The following UGGT2 variants were observed in gnomAD, a reference collection of about 807,000 sequenced individuals.
The protein encoded by UGGT2 is UDP-glucose:glycoprotein glucosyltransferase 2.
UGGT2 carries 180 observed loss-of-function variants against 192.1 expected under a neutral mutation model. The ratio of observed to expected loss-of-function variants is 0.94; its 90% confidence interval spans 0.83 to 1.06. The LOEUF is 1.06. Among genes scored for constraint, UGGT2 ranks in the 50% least tolerant of loss-of-function variants. The probability of loss-of-function intolerance (pLI) is 0.00; values close to 1 mark genes in which losing one functional copy is unlikely to be tolerated. For synonymous variants in UGGT2, 580 were observed against 591.0 expected (o/e 0.98, Z 0.27); for missense variants, 1,849 against 1,795.7 (o/e 1.03, Z -0.54).
At chr13:96,047,662 CAAAA>C (rs2053356847) in intron 1 of UGGT2, among the ~76,000 whole-genome samples, 1 of 151,148 alleles carries the variant, frequency 6.6e-6, no homozygotes, top group Non-Finnish European at 1.5e-5. Flanking sequence ...AAATGGGAAA[CAAAA>C]AAAAGCAGGG....
chr13:95,807,839 G>T (rs1257684013), intron 38 of UGGT2, among the ~76,000 whole-genome samples: 1 of 150,510 alleles, frequency 6.6e-6, no homozygotes, highest in African/African-American at 2.5e-5. Flanking sequence ...GGAATGTATT[G>T]CTTGGGGCTT....
intron 12 of UGGT2, among the ~76,000 whole-genome samples, chr13:95,967,229 T>C (rs1400514290): frequency 1.3e-5 from 2 of 151,844 alleles, no homozygotes; most frequent in African/African-American, 2.4e-5. Flanking sequence ...TTCAGCTTAC[T>C]GCAACCTCTG....
At chr13:95,838,055 T>A (rs1223819940) in intron 36 of UGGT2, among the ~76,000 whole-genome samples, 1 of 151,940 alleles carries the variant, frequency 6.6e-6, no homozygotes, top group East Asian at 1.9e-4. Flanking sequence ...ATGCAGAAAA[T>A]CCCAAGAATC....
chr13:96,029,067 T>C (rs2052751512), intron 2 of UGGT2, among the ~76,000 whole-genome samples: 1 of 151,870 alleles, frequency 6.6e-6, no homozygotes, highest in Non-Finnish European at 1.5e-5. Flanking sequence ...GGGAGAATGG[T>C]GTGAACCCAG....
Position 95,962,610 on chromosome 13 carries a change from C to G in UGGT2, c.1335+7502G>C, listed in dbSNP as rs182519736. Among the ~76,000 whole-genome samples, 5 of 152,132 alleles carry G rather than the reference C, an allele frequency of 3.3e-5. No homozygotes were observed. The East Asian group carries it at 9.6e-4, about 29-fold the overall frequency. ...AGATGGCTTTACTACCTAATTCTAC[C>G]AAACTTTCAAAAAAGAACACAAATT... is the stretch of plus-strand genomic sequence containing the variant. On this transcript the variant is annotated intron_variant, in intron 12 of 38. Coordinates refer to ENST00000376747, the MANE Select transcript of UGGT2 (RefSeq NM_020121.4).
intron 36 of UGGT2, among the ~76,000 whole-genome samples, chr13:95,839,014 A>T (rs1887588210): frequency 6.6e-6 from 1 of 151,958 alleles, no homozygotes; most frequent in Non-Finnish European, 1.5e-5. Context: ...ATTCTTCTGA[A>T]TATACTCTCA....
intron 29 of UGGT2, among the ~76,000 whole-genome samples, chr13:95,868,985 T>C (rs1404889622): frequency 6.6e-6 from 1 of 151,712 alleles, no homozygotes; most frequent in Non-Finnish European, 1.5e-5. Flanking sequence ...GCTGCACCCA[T>C]TAACTCTTCA....
At chr13:95,906,736 A>G (rs1441025085) in intron 20 of UGGT2, among the ~76,000 whole-genome samples, 2 of 152,230 alleles carry the variant, frequency 1.3e-5, no homozygotes, top group African/African-American at 4.8e-5. Flanking sequence ...ACTGTATACA[A>G]AAGAATCTCA....
At chr13:95,816,487 A>G (rs1440925579) in intron 38 of UGGT2, among the ~76,000 whole-genome samples, 1 of 152,226 alleles carries the variant, frequency 6.6e-6, no homozygotes, top group Non-Finnish European at 1.5e-5. Flanking sequence ...AACTGGAAAT[A>G]ACCCAAAGGT....
chr13:95,932,613 C>T (rs144760839), intron 17 of UGGT2, among the ~76,000 whole-genome samples: 4 of 152,200 alleles, frequency 2.6e-5, no homozygotes, highest in African/African-American at 9.6e-5. Context: ...TGCTCTAAGA[C>T]TTCCAGTACT....
chr13:95,921,682 C>G (rs2048849860), intron 20 of UGGT2, among the ~76,000 whole-genome samples: 1 of 152,082 alleles, frequency 6.6e-6, no homozygotes, highest in African/African-American at 2.4e-5. Flanking sequence ...AAAAAATGCT[C>G]AGTATCACTA....
At chr13:95,920,871 A>G (rs1055099985) in intron 20 of UGGT2, among the ~76,000 whole-genome samples, 3 of 152,224 alleles carry the variant, frequency 2.0e-5, no homozygotes, top group African/African-American at 7.2e-5. Flanking sequence ...ATTCTGTTAA[A>G]TATTATAAGG....
At chr13:96,022,571 AT>A (rs1221250807) in intron 4 of UGGT2, among the ~76,000 whole-genome samples, 4 of 151,722 alleles carry the variant, frequency 2.6e-5, no homozygotes, top group East Asian at 3.9e-4. Flanking sequence ...GGCAAAAAAA[AT>A]ATACTGGTAG....
At chr13:95,845,817 C>T (rs376161959) in intron 36 of UGGT2, among the ~76,000 whole-genome samples, 16 of 147,984 alleles carry the variant, frequency 1.1e-4, no homozygotes, top group African/African-American at 2.2e-4. Flanking sequence ...ACATCTCAGA[C>T]GGGGTGGCGG....
intron 1 of UGGT2, among the ~76,000 whole-genome samples, chr13:96,036,153 T>C (rs1274053541): frequency 2.0e-5 from 3 of 152,174 alleles, no homozygotes; most frequent in Admixed American, 6.5e-5. Flanking sequence ...GGCATCAACT[T>C]ATATCCCCAT....
At chr13:96,006,713 G>A (rs1159121197) in intron 5 of UGGT2, among the ~76,000 whole-genome samples, 2 of 150,732 alleles carry the variant, frequency 1.3e-5, no homozygotes, top group African/African-American at 4.9e-5. Context: ...AGAAAATGTA[G>A]TAGAGAAAGA....
intron 29 of UGGT2, among the ~76,000 whole-genome samples, chr13:95,870,705 T>C (rs1891144492): frequency 6.6e-6 from 1 of 152,246 alleles, no homozygotes; most frequent in Non-Finnish European, 1.5e-5. Flanking sequence ...CAATTGCTTG[T>C]GTTAAATACT....
intron 12 of UGGT2, among the ~76,000 whole-genome samples, chr13:95,967,476 GTT>G (rs56772987): frequency 0.4 from 51,218 of 127,624 alleles, 9,419 homozygotes; most frequent in Middle Eastern, 0.45. Flanking sequence ...CAACTTTTTT[GTT>G]TTTTTTTTTT....
rs1167727299 is a variant in UGGT2 at position 95,937,148 on chromosome 13, T to C, written c.1813-60A>G. 4 of 1,518,992 alleles carry C rather than the reference T, an allele frequency of 2.6e-6. No individual in the cohort carries two copies. In the African/African-American group the frequency reaches 4.3e-5, roughly 16 times the overall value. 94.1% of individuals were successfully genotyped at this position (1,518,992 alleles called of 1,614,324 possible). A position where few individuals can be genotyped will look rare whatever the true frequency, so the allele number is the denominator to read the frequency against. On this transcript the variant is annotated intron_variant, in intron 16 of 38. Transcript: ENST00000376747. ...AATATGATTGTTTGAATAATAAACA[T>C]AAGAAAATGGAACACCGCCACATTT...
Sources: gnomAD v4.1 joint callset for allele counts (sites outside exome capture counted in the v4.1 genomes callset) on GRCh38, gnomAD v4.1.1 for gene constraint, MANE v1.5 for transcripts, NCBI Gene and HGNC (gene_info 2026-07-23, HGNC 2026-07-21) for gene names.